Variants in PELI2 observed in about 807,000 individuals in gnomAD.
PELI2 encodes pellino E3 ubiquitin protein ligase family member 2.
PELI2 carries 23 observed loss-of-function variants against 42.3 expected under a neutral mutation model. The observed-to-expected ratio is 0.54, with a 90% CI of 0.39 to 0.77. The LOEUF (loss-of-function observed/expected upper bound fraction) is 0.77, where lower values mean the gene tolerates loss of function less well. Ranked by LOEUF, PELI2 falls within the 30% of genes least tolerant of loss-of-function variation. The pLI, the probability that PELI2 is intolerant of heterozygous loss-of-function variation, is 0.00. For synonymous variants in PELI2, 245 were observed against 212.2 expected (o/e 1.15, Z -1.34); for missense variants, 463 against 553.2 (o/e 0.84, Z 1.64).
chr14:56,138,664 T>G, intron 1 of PELI2, among the ~76,000 whole-genome samples: 1 of 152,218 alleles, frequency 6.6e-6, no homozygotes, highest in East Asian at 1.9e-4. Flanking sequence ...ATATTAAAAT[T>G]TTAGAGGTTT....
At chr14:56,252,014 A>T (rs1364648966) in intron 2 of PELI2, among the ~76,000 whole-genome samples, 6 of 152,214 alleles carry the variant, frequency 3.9e-5, no homozygotes, top group Admixed American at 3.9e-4. Context: ...GGTGAGTTTG[A>T]CAATAGCACA....
At chr14:56,216,949 C>T (rs1480529745) in intron 2 of PELI2, among the ~76,000 whole-genome samples, 1 of 152,334 alleles carries the variant, frequency 6.6e-6, no homozygotes, top group East Asian at 1.9e-4. Context: ...CATTTCCAAA[C>T]ATGTCCTAAA....
intron 1 of PELI2, among the ~76,000 whole-genome samples, chr14:56,124,720 A>G (rs1234051908): frequency 6.6e-6 from 1 of 152,196 alleles, no homozygotes; most frequent in Non-Finnish European, 1.5e-5. Context: ...ATGTGTTAGC[A>G]GGGTCCCCTA....
At chr14:56,190,807 A>G (rs977122201) in intron 2 of PELI2, among the ~76,000 whole-genome samples, 3 of 152,256 alleles carry the variant, frequency 2.0e-5, no homozygotes. Context: ...TATTAAAGGT[A>G]TTTTAACTTA....
chr14:56,228,559 T>C (rs1472621632), intron 2 of PELI2, among the ~76,000 whole-genome samples: 1 of 152,244 alleles, frequency 6.6e-6, no homozygotes, highest in Non-Finnish European at 1.5e-5. Flanking sequence ...GATTATAAAC[T>C]TAACATTTTT....
chr14:56,271,622 G>A (rs1161841586), intron 2 of PELI2, among the ~76,000 whole-genome samples: 3 of 152,162 alleles, frequency 2.0e-5, no homozygotes, highest in African/African-American at 4.8e-5. Flanking sequence ...CAGGGGAGCC[G>A]ATACTTAGTC....
chr14:56,151,895 A>C (rs1347475418), intron 1 of PELI2, among the ~76,000 whole-genome samples: 1 of 152,210 alleles, frequency 6.6e-6, no homozygotes, highest in Non-Finnish European at 1.5e-5. Context: ...TATAGTTGAA[A>C]TTTAGTAGAT....
At chr14:56,167,003 A>G (rs1258194213) in intron 1 of PELI2, among the ~76,000 whole-genome samples, 2 of 152,030 alleles carry the variant, frequency 1.3e-5, no homozygotes, top group Non-Finnish European at 2.9e-5. Context: ...GTTAGCCAGG[A>G]TGGTCTTGAT....
chr14:56,129,663 G>T (rs554005753), intron 1 of PELI2, among the ~76,000 whole-genome samples: 1 of 152,290 alleles, frequency 6.6e-6, no homozygotes, highest in African/African-American at 2.4e-5. Flanking sequence ...CTAGGGGATC[G>T]CCCTCAGGAG....
Position 56,279,750 on chromosome 14 carries a change from A to G in PELI2, c.282A>G (p.Thr94=). The G allele has an allele frequency of 1.3e-6, 2 of 1,591,156 alleles. No individual in the cohort carries two copies. Among genetic ancestry groups the G allele is most frequent in the Non-Finnish European group, 1.7e-6 (2 of 1,159,706 alleles). Residue 94 remains threonine (T), a synonymous_variant, in exon 3 of 6, where the codon ACA becomes ACG. Coordinates refer to ENST00000267460, the MANE Select transcript of PELI2 (RefSeq NM_021255.3). ...SRNQTVVVEY[T]HDKDTDMFQV... Reference sequence around the variant, plus strand: ...ATCAGACTGTGGTGGTGGAGTACACACATGATAAGGATACGGATATGTTTC... The same window carrying G: ...ATCAGACTGTGGTGGTGGAGTACACGCATGATAAGGATACGGATATGTTTC...
chr14:56,130,772 G>C (rs569795123), intron 1 of PELI2, among the ~76,000 whole-genome samples: 1 of 152,058 alleles, frequency 6.6e-6, no homozygotes, highest in Non-Finnish European at 1.5e-5. Context: ...GTTGGATAAA[G>C]GCAGGAAAAG....
chr14:56,280,583 A>G (rs1225805717), intron 3 of PELI2, among the ~76,000 whole-genome samples: 4 of 152,160 alleles, frequency 2.6e-5, no homozygotes, highest in Admixed American at 6.6e-5. Flanking sequence ...GTCGAAACAA[A>G]CATCAAAAGA....
intron 3 of PELI2, among the ~76,000 whole-genome samples, chr14:56,280,750 T>C (rs1889457045): frequency 6.6e-6 from 1 of 152,098 alleles, no homozygotes; most frequent in Non-Finnish European, 1.5e-5. Context: ...GAAATAGATT[T>C]TACCCTACGC....
At position 56,144,227 on chromosome 14, in the gene PELI2, T is replaced by C. The variant is rs191300858; in HGVS notation, c.77+25490T>C. On this transcript the variant is annotated intron_variant, in intron 1 of 5. Coordinates refer to ENST00000267460, the MANE Select transcript of PELI2 (RefSeq NM_021255.3). ...ACCTTGTTCAATCCTATTGTATCAT[T>C]GAGGATTCAACCAGAGAAACAGAAC... Among the ~76,000 whole-genome samples the C allele has an allele frequency of 3.4e-4, 52 of 152,318 alleles. No homozygotes were observed. The East Asian group carries it at 0.01, about 29-fold the overall frequency.
chr14:56,148,946 T>C (rs1884235524), intron 1 of PELI2, among the ~76,000 whole-genome samples: 1 of 152,086 alleles, frequency 6.6e-6, no homozygotes, highest in Admixed American at 6.6e-5. Context: ...CCCATGAATA[T>C]CGGAGGAGGA....
intron 2 of PELI2, among the ~76,000 whole-genome samples, chr14:56,259,717 C>A (rs754873866): frequency 6.6e-5 from 10 of 152,170 alleles, no homozygotes; most frequent in Non-Finnish European, 1.5e-4. Context: ...TATGATTATG[C>A]ACATAGAAAA....
At chr14:56,212,838 C>T (rs1166796419) in intron 2 of PELI2, among the ~76,000 whole-genome samples, 1 of 152,202 alleles carries the variant, frequency 6.6e-6, no homozygotes, top group Non-Finnish European at 1.5e-5. Flanking sequence ...AGGCTGAGCA[C>T]ACACCTGCCC....
intron 5 of PELI2, among the ~76,000 whole-genome samples, chr14:56,293,554 G>T (rs374503939): frequency 6.6e-6 from 1 of 152,196 alleles, no homozygotes; most frequent in Admixed American, 6.5e-5. Context: ...GCTGGACACA[G>T]TAATGCCCCA....
intron 1 of PELI2, among the ~76,000 whole-genome samples, chr14:56,168,266 C>A (rs866271234): frequency 8.7e-4 from 133 of 152,258 alleles, no homozygotes; most frequent in African/African-American, 3.0e-3. Context: ...GCAGCGTGCC[C>A]CCCCCCAGAC....
Sources: allele counts gnomAD v4.1 joint callset (sites outside exome capture counted in the v4.1 genomes callset), GRCh38; gene constraint gnomAD v4.1.1; transcripts MANE v1.5; gene names NCBI Gene and HGNC (gene_info 2026-07-23, HGNC 2026-07-21).